Variants in WDR74 observed in about 807,000 individuals in gnomAD.
WDR74 encodes the protein WD repeat domain 74.
A neutral mutation model predicts 45.6 loss-of-function variants in WDR74; 31 were observed. That is an observed-to-expected ratio of 0.68 (90% confidence interval 0.51 to 0.92). WDR74 has a LOEUF of 0.92. Among genes scored for constraint, WDR74 ranks in the 40% least tolerant of loss-of-function variants. WDR74 has a pLI of 0.00. For missense variants in WDR74, 455 were observed against 497.2 expected (o/e 0.92, Z 0.81); for synonymous variants, 191 against 192.4 (o/e 0.99, Z 0.06).
In WDR74 at chr11:62,834,543, A is replaced by C; in HGVS notation, c.619-16T>G. ...AAACACGGACCTAGAGGAAGGCTGA[A>C]GCATCACAAAAGTATCCTCACCCTG... On this transcript the variant is annotated splice_polypyrimidine_tract_variant and intron_variant, in intron 6 of 10. Transcript: ENST00000278856. The C allele has an allele frequency of 6.3e-7, 1 of 1,599,594 alleles. No individual in the cohort carries two copies. The highest frequency in any genetic ancestry group is 1.3e-5 in the African/African-American group (1 of 74,962).
chr11:62,841,285 C>A (rs548369767), upstream of WDR74, among the ~76,000 whole-genome samples: 1 of 152,162 alleles, frequency 6.6e-6, no homozygotes, highest in Non-Finnish European at 1.5e-5. Flanking sequence ...CCATTGCACT[C>A]TAGCCTGGGC....
At chr11:62,841,462 C>CA (rs2085049622), upstream of WDR74, 2 of 152,206 alleles carry the variant, frequency 1.3e-5, no homozygotes, top group South Asian at 2.1e-4. Context: ...AGTTATAAAA[C>CA]AAAACCTTCT....
At chr11:62,839,619 T>C (rs762161451), upstream of WDR74, 4 of 1,557,752 alleles carry the variant, frequency 2.6e-6, no homozygotes, top group Non-Finnish European at 3.5e-6. Flanking sequence ...AGCGTGTGCG[T>C]CACCAGCGGG....
At chr11:62,841,178 G>GC (rs2085039595), upstream of WDR74, among the ~76,000 whole-genome samples, 1 of 152,164 alleles carries the variant, frequency 6.6e-6, no homozygotes, top group African/African-American at 2.4e-5. Flanking sequence ...TTCGCTGGGC[G>GC]TGGTGGCGGG....
upstream of WDR74, chr11:62,839,602 C>T (rs774526347): frequency 1.1e-5 from 17 of 1,577,852 alleles, no homozygotes; most frequent in African/African-American, 1.9e-4. Context: ...GTTCACACTT[C>T]CGGCGCAGCG....
chr11:62,841,324 A>T (rs1362403764), upstream of WDR74, among the ~76,000 whole-genome samples: 1 of 152,112 alleles, frequency 6.6e-6, no homozygotes, highest in Non-Finnish European at 1.5e-5. Flanking sequence ...CTCAAAAAAA[A>T]TAAATAAGAA....
intron 3 of WDR74, among the ~76,000 whole-genome samples, chr11:62,838,354 C>T (rs1320671131): frequency 6.6e-6 from 1 of 151,462 alleles, no homozygotes; most frequent in African/African-American, 2.4e-5. Flanking sequence ...GGGGTTTTAC[C>T]GTGCTGGCCA....
At chr11:62,833,296 TAAAAAAAAAAAAAAAA>T (rs1048706100) in intron 10 of WDR74, among the ~76,000 whole-genome samples, 165 bp from the exon 11 acceptor site, 2 of 50,862 alleles carry the variant, frequency 3.9e-5, no homozygotes, top group African/African-American at 7.1e-5. Flanking sequence ...AAAAGAAGTT[TAAAAAAAAAAAAAAAA>T]AAAAAAAAAA....
At chr11:62,841,760 G>C (rs971567254), upstream of WDR74, 4 of 152,274 alleles carry the variant, frequency 2.6e-5, no homozygotes, top group African/African-American at 7.2e-5. Context: ...ATATTAAACT[G>C]ATAAGAACAG....
Position 62,839,119 on chromosome 11 carries a change from G to T in WDR74, c.288C>A (p.Ala96=), listed in dbSNP as rs1170734488. ...AGCGAGGGGATTGGTCTTACCCGTC[G>T]GCCTGGGCGAGGCCACGGAACATGC... ...GEGMFRGLAQ[A]DGTLITCVDS... The change falls in exon 3 of 11, where the codon GCC becomes GCA. Residue 96 remains alanine, a synonymous_variant. Coordinates refer to ENST00000278856, the MANE Select transcript of WDR74 (RefSeq NM_001369450.1). 6.2e-7 allele frequency: 1 copy of T among 1,613,254 alleles called. No individual in the cohort carries two copies. Among genetic ancestry groups the T allele is most frequent in the Non-Finnish European group, 8.5e-7 (1 of 1,179,872 alleles).
intron 3 of WDR74, among the ~76,000 whole-genome samples, chr11:62,838,772 A>AC (rs2084998178): frequency 6.6e-6 from 1 of 151,820 alleles, no homozygotes; most frequent in Non-Finnish European, 1.5e-5. Flanking sequence ...AAAAAAAAAA[A>AC]AACAAAAAAC....
rs1272726283 is a variant in WDR74, at chr11:62,833,639, C to G, written c.957G>C (p.Leu319Phe). Residue 319 changes from leucine (L) to phenylalanine (F), a missense_variant, in exon 10 of 11, where the codon TTG (leucine) becomes TTC (phenylalanine). Physicochemically the swap from Leu to Phe is conservative, Grantham distance 22 (BLOSUM62 0). Transcript: ENST00000278856. ...TCACCTCCCAGTTGTCCCTGCCTGA[C>G]AAGAGGAGGCAGTTCAATTGAGACT... ...YLKSQLNCLL[L>F]SGRDNWEDEP... 3 of 1,552,678 alleles carry G rather than the reference C, an allele frequency of 1.9e-6. No individual in the cohort carries two copies. Among genetic ancestry groups the G allele is most frequent in the Admixed American group, 2.0e-5 (1 of 51,038 alleles).
chr11:62,834,340 G>T lies in WDR74; in HGVS notation c.720-9C>A. 1 of 1,613,832 alleles carries T rather than the reference G, an allele frequency of 6.2e-7. No homozygotes were observed. The highest frequency in any genetic ancestry group is 8.5e-7 in the Non-Finnish European group (1 of 1,179,892). Reference sequence around the variant, plus strand: ...TTCCCACAATCACTGAGCTGAGGATGAGACCAGAGGCAAGTGGGATCAGCA... The same window carrying T: ...TTCCCACAATCACTGAGCTGAGGATTAGACCAGAGGCAAGTGGGATCAGCA... On this transcript the variant is annotated splice_polypyrimidine_tract_variant and intron_variant, in intron 7 of 10. Coordinates refer to ENST00000278856, the MANE Select transcript of WDR74 (RefSeq NM_001369450.1).
At chr11:62,835,145 C>A (rs1699368600) in intron 6 of WDR74, 2 of 375,902 alleles carry the variant, frequency 5.3e-6, no homozygotes, top group Non-Finnish European at 9.8e-6. Context: ...TAACACCCAG[C>A]CCAATGTCCT....
rs752782215 is a variant in WDR74, at chr11:62,839,500, C to T, written c.64+7G>A. The T allele has an allele frequency of 1.9e-6, 3 of 1,613,640 alleles. No individual in the cohort carries two copies. Among genetic ancestry groups the T allele is most frequent in the Admixed American group, 1.7e-5 (1 of 60,000 alleles). On this transcript the variant is annotated splice_region_variant and intron_variant, in intron 1 of 10. Coordinates refer to ENST00000278856, the MANE Select transcript of WDR74 (RefSeq NM_001369450.1). ...TGCACTTCCCGACGCCCGAGCCTGC[C>T]ACCCACCTTTCAAGATCCCAGTCTC... is the stretch of plus-strand genomic sequence containing the variant.
chr11:62,841,652 C>A (rs926499625), upstream of WDR74: 3 of 152,234 alleles, frequency 2.0e-5, no homozygotes, highest in African/African-American at 4.8e-5. Context: ...TACTGCAATA[C>A]CAGGTCGATG....
At chr11:62,841,433 G>GATACT (rs2085048211), upstream of WDR74, 1 of 152,220 alleles carries the variant, frequency 6.6e-6, no homozygotes, top group East Asian at 1.9e-4. Context: ...ACCACATGGA[G>GATACT]ATACTACGCT....
At chr11:62,841,018 C>T (rs756880946), upstream of WDR74, among the ~76,000 whole-genome samples, 1 of 151,742 alleles carries the variant, frequency 6.6e-6, no homozygotes, top group Non-Finnish European at 1.5e-5. Flanking sequence ...AACCCTGTCT[C>T]CACTAAAAAT....
upstream of WDR74, chr11:62,839,651 G>T (rs561005819): frequency 2.7e-6 from 4 of 1,495,966 alleles, no homozygotes; most frequent in Non-Finnish European, 2.7e-6. Context: ...ATGCAGCGCA[G>T]TGTAGTTGCT....
Sources: allele counts gnomAD v4.1 joint callset (sites outside exome capture counted in the v4.1 genomes callset), GRCh38; gene constraint gnomAD v4.1.1; transcripts MANE v1.5; gene names NCBI Gene and HGNC (gene_info 2026-07-23, HGNC 2026-07-21).